SLC9D1: variants seen among roughly 807,000 people sequenced by gnomAD.
The protein encoded by SLC9D1 is solute carrier family 9 member D1, also known as putative LAG1-interacting protein.
the SLC9D1 span, chr13:113,501,756 T>C: frequency 6.2e-7 from 1 of 1,608,530 alleles, no homozygotes; most frequent in South Asian, 1.1e-5. Context: ...CTTCAGGACA[T>C]TGTTACCATA....
At chr13:113,508,925 G>A in the SLC9D1 span, among the ~76,000 whole-genome samples, 7 of 152,066 alleles carry the variant, frequency 4.6e-5, no homozygotes, top group Non-Finnish European at 7.4e-5. Context: ...GGGCTTGGTG[G>A]GTGGGTCCCC....
the SLC9D1 span, chr13:113,536,566 T>G: frequency 1.0e-6 from 1 of 985,288 alleles, no homozygotes; most frequent in Non-Finnish European, 1.2e-6. Flanking sequence ...TTGTCTTATC[T>G]GGACAACTTC....
chr13:113,513,717 A>C, the SLC9D1 span, among the ~76,000 whole-genome samples: 1 of 152,242 alleles, frequency 6.6e-6, no homozygotes, highest in Non-Finnish European at 1.5e-5. Context: ...AGTTCATAAA[A>C]AGACTCCATT....
At chr13:113,491,572 C>T in the SLC9D1 span, among the ~76,000 whole-genome samples, 298 of 152,026 alleles carry the variant, frequency 2.0e-3, 1 homozygote, top group African/African-American at 6.7e-3. Flanking sequence ...TCGGGGCTCC[C>T]CTTTTCTTGC....
At chr13:113,497,362 GCAGCTGTGTGTGAGAC>G in the SLC9D1 span, among the ~76,000 whole-genome samples, 1 of 151,556 alleles carries the variant, frequency 6.6e-6, no homozygotes, top group Admixed American at 6.6e-5. Flanking sequence ...TGTGAGACCT[GCAGCTGTGTGTGAGAC>G]CAGCTGTGTG....
chr13:113,538,314 G>A, the SLC9D1 span, among the ~76,000 whole-genome samples: 23 of 152,320 alleles, frequency 1.5e-4, no homozygotes, highest in African/African-American at 5.5e-4. Flanking sequence ...GCGTGTGTGT[G>A]TGTGTGCACA....
the SLC9D1 span, among the ~76,000 whole-genome samples, chr13:113,517,059 C>T: frequency 1.3e-5 from 2 of 152,336 alleles, no homozygotes; most frequent in Non-Finnish European, 1.5e-5. Context: ...CTGGCTGGTT[C>T]ACAAAGGAAG....
the SLC9D1 span, chr13:113,548,487 C>G: frequency 2.5e-6 from 4 of 1,583,418 alleles, no homozygotes; most frequent in African/African-American, 4.1e-5. Context: ...GCTTCTCGGG[C>G]GGCACGGGCT....
chr13:113,548,633 A>G, the SLC9D1 span, among the ~76,000 whole-genome samples: 8 of 152,266 alleles, frequency 5.3e-5, no homozygotes, highest in Non-Finnish European at 8.8e-5. Context: ...TTTTCAGAGG[A>G]AAGTTGCAGT....
chr13:113,520,701 T>A, the SLC9D1 span: 19 of 1,613,870 alleles, frequency 1.2e-5, no homozygotes, highest in East Asian at 4.2e-4. Flanking sequence ...TCATGCCGAC[T>A]CTCATACAGG....
chr13:113,547,486 C>CGA, the SLC9D1 span: 2 of 884,926 alleles, frequency 2.3e-6, no homozygotes, highest in Non-Finnish European at 3.7e-6. Flanking sequence ...AGAGCCGGCC[C>CGA]TGCTCCTCAT....
chr13:113,539,697 CTTATT>C, the SLC9D1 span, among the ~76,000 whole-genome samples: 1 of 152,156 alleles, frequency 6.6e-6, no homozygotes, highest in Non-Finnish European at 1.5e-5. The surrounding 1 kb of genome is among the most constrained non-coding windows in gnomAD (Gnocchi z 4.8). Flanking sequence ...GCAGAGAAAT[CTTATT>C]TTATTATACT....
chr13:113,500,211 A>T, the SLC9D1 span: 1 of 1,127,708 alleles, frequency 8.9e-7, no homozygotes, highest in African/African-American at 1.6e-5. Context: ...TGTCAGTATG[A>T]CCGAGCTTTA....
the SLC9D1 span, among the ~76,000 whole-genome samples, chr13:113,519,362 T>TTTG: frequency 6.6e-6 from 1 of 151,596 alleles, no homozygotes; most frequent in South Asian, 2.1e-4. Flanking sequence ...TTTTTTTTTT[T>TTTG]GTAAGAAAAA....
chr13:113,498,553 T>C, the SLC9D1 span: 1 of 1,516,152 alleles, frequency 6.6e-7, no homozygotes, highest in Non-Finnish European at 8.8e-7. Flanking sequence ...CTTCTTCACC[T>C]CCTGAGCCAC....
At chr13:113,538,847 G>A in the SLC9D1 span, among the ~76,000 whole-genome samples, 5 of 152,228 alleles carry the variant, frequency 3.3e-5, no homozygotes, top group African/African-American at 4.8e-5. Flanking sequence ...TGTCGCGGCC[G>A]TCCGGCCGGC....
chr13:113,495,847 A>G, the SLC9D1 span: 7 of 1,614,208 alleles, frequency 4.3e-6, no homozygotes, highest in East Asian at 1.6e-4. Flanking sequence ...GATGAAGAGA[A>G]ACTGTTTCAG....
At chr13:113,503,299 A>T in the SLC9D1 span, among the ~76,000 whole-genome samples, 1 of 151,660 alleles carries the variant, frequency 6.6e-6, no homozygotes, top group Non-Finnish European at 1.5e-5. Context: ...ATCAAAGCAC[A>T]TACTAGCCAA....
the SLC9D1 span, chr13:113,498,269 GGATT>G: frequency 1.7e-6 from 2 of 1,149,884 alleles, no homozygotes; most frequent in East Asian, 2.7e-5. Flanking sequence ...CAAAGCAGGA[GGATT>G]GATTAAGAAA....
Sources: gnomAD v4.1 joint callset for allele counts (sites outside exome capture counted in the v4.1 genomes callset) on GRCh38, gnomAD v4.1.1 for gene constraint, Gnocchi (gnomAD v3.1) non-coding constraint, MANE v1.5 for transcripts, NCBI Gene and HGNC (gene_info 2026-07-23, HGNC 2026-07-21) for gene names.